NIM1K: variants seen among roughly 807,000 people sequenced by gnomAD.
The protein encoded by NIM1K is serine/threonine-protein kinase NIM1.
In NIM1K, 35 loss-of-function variants were observed where a neutral mutation model predicts 37.1. The observed-to-expected ratio is 0.94, with a 90% CI of 0.72 to 1.25. NIM1K has a LOEUF of 1.25. Ranked by LOEUF, NIM1K falls within the 50% of genes most tolerant of loss-of-function variation. The pLI is 0.00. For missense variants in NIM1K, 564 were observed against 548.0 expected (o/e 1.03, Z -0.29); for synonymous variants, 234 against 206.6 (o/e 1.13, Z -1.14).
intron 3 of NIM1K, among the ~76,000 whole-genome samples, chr5:43,278,385 A>G (rs1753386835): frequency 6.6e-6 from 1 of 152,156 alleles, no homozygotes; most frequent in African/African-American, 2.4e-5. Flanking sequence ...TTACTTCTTT[A>G]GATAAATCTG....
intron 2 of NIM1K, among the ~76,000 whole-genome samples, chr5:43,276,640 A>G (rs1185177768): frequency 6.6e-6 from 1 of 152,266 alleles, no homozygotes; most frequent in Non-Finnish European, 1.5e-5. Flanking sequence ...TCTTCTAGGC[A>G]TGAATGTTCA....
At chr5:43,261,801 G>T (rs1216223112) in intron 2 of NIM1K, among the ~76,000 whole-genome samples, 1 of 152,162 alleles carries the variant, frequency 6.6e-6, no homozygotes, top group Non-Finnish European at 1.5e-5. Context: ...GTGTAAGGAA[G>T]GGATCCAGTT....
intron 3 of NIM1K, among the ~76,000 whole-genome samples, chr5:43,277,808 G>A (rs977374981): frequency 1.1e-4 from 16 of 145,702 alleles, no homozygotes; most frequent in African/African-American, 4.1e-4. Flanking sequence ...GTGTGTGTGT[G>A]TGTGTGTGAG....
chr5:43,277,418 G>A, intron 3 of NIM1K, 93 bp downstream of exon 3: 1 of 1,380,898 alleles, frequency 7.2e-7, no homozygotes, highest in Non-Finnish European at 9.9e-7. Context: ...TGTCCCAGAG[G>A]GCTTTTGTCC....
At chr5:43,260,360 G>A (rs78796174) in intron 2 of NIM1K, among the ~76,000 whole-genome samples, 1,622 of 152,196 alleles carry the variant, frequency 0.011, 28 homozygotes, top group African/African-American at 0.035. Flanking sequence ...GTTGGCTTTC[G>A]GTTTGTGATA....
chr5:43,206,196 G>A (rs1752107966), intron 1 of NIM1K, among the ~76,000 whole-genome samples: 1 of 152,112 alleles, frequency 6.6e-6, no homozygotes, highest in Non-Finnish European at 1.5e-5. Flanking sequence ...GAAATACTGA[G>A]ATGGAGCAAT....
intron 1 of NIM1K, chr5:43,233,270 G>T (rs1039891686): frequency 2.0e-6 from 1 of 502,048 alleles, no homozygotes; most frequent in Non-Finnish European, 3.4e-6. Flanking sequence ...AAGAGAACCT[G>T]CCTATTATTT....
At chr5:43,274,312 C>G (rs1753305291) in intron 2 of NIM1K, among the ~76,000 whole-genome samples, 1 of 152,288 alleles carries the variant, frequency 6.6e-6, no homozygotes, top group East Asian at 1.9e-4. Flanking sequence ...TTCTTGAACA[C>G]TCACTGTGGA....
At chr5:43,250,074 G>A (rs1287737658) in intron 2 of NIM1K, among the ~76,000 whole-genome samples, 5 of 151,578 alleles carry the variant, frequency 3.3e-5, no homozygotes, top group African/African-American at 7.3e-5. Flanking sequence ...GGATGGTCTC[G>A]ATCTCCTGAC....
At chr5:43,253,213 TGTGTGTGTGTGTGTG>T (rs1752894345) in intron 2 of NIM1K, among the ~76,000 whole-genome samples, 4 of 60,348 alleles carry the variant, frequency 6.6e-5, no homozygotes, top group Non-Finnish European at 1.1e-4. Context: ...ATATAATATA[TGTGTGTGTGTGTGTG>T]TGTGTGTGTG....
At chr5:43,257,079 TTGAAAAGGAGGCTAGGGAGG>T (rs568344530) in intron 2 of NIM1K, among the ~76,000 whole-genome samples, 57 of 151,908 alleles carry the variant, frequency 3.8e-4, no homozygotes, top group Non-Finnish European at 5.4e-4. Flanking sequence ...GTATCCAGCA[TTGAAAAGGAGGCTAGGGAGG>T]TGAAAAGGAG....
Position 43,227,587 on chromosome 5 carries a change from C to A in NIM1K, c.-694-17495C>A, listed in dbSNP as rs948818770. Among the ~76,000 whole-genome samples, 6 of 152,122 alleles carry A rather than the reference C, an allele frequency of 3.9e-5. 1 individual carries two copies. The highest frequency in any genetic ancestry group is 2.6e-4 in the Admixed American group (4 of 15,266). On this transcript the variant is annotated intron_variant, in intron 1 of 3. Transcript: ENST00000326035. The stretch of plus-strand genomic sequence containing the variant: ...TTTCCTCTCCTGGGTTGTCCTCTAA[C>A]ATTTCTAGTAGAGAACCTTCAAATA...
At chr5:43,263,258 A>T (rs576766448) in intron 2 of NIM1K, among the ~76,000 whole-genome samples, 1 of 152,152 alleles carries the variant, frequency 6.6e-6, no homozygotes. Flanking sequence ...TTTGGTTGGT[A>T]GGCTATTAAT....
chr5:43,264,845 CT>C (rs1753097914), intron 2 of NIM1K, among the ~76,000 whole-genome samples: 1 of 152,094 alleles, frequency 6.6e-6, no homozygotes, highest in Non-Finnish European at 1.5e-5. Context: ...CATTTTTTGT[CT>C]GTAAAGGATT....
At chr5:43,198,233 CTTTCTTTCTTTCT>C (rs1751961777) in intron 1 of NIM1K, among the ~76,000 whole-genome samples, 1 of 113,624 alleles carries the variant, frequency 8.8e-6, no homozygotes, top group Admixed American at 9.7e-5. Context: ...TTCTTTCTTT[CTTTCTTTCTTTCT>C]TTTCTTTCTT....
chr5:43,257,654 AC>A (rs1210358503), intron 2 of NIM1K, among the ~76,000 whole-genome samples: 2 of 151,948 alleles, frequency 1.3e-5, no homozygotes, highest in East Asian at 3.9e-4. Flanking sequence ...CCCAGTTTTG[AC>A]CAACTCTTTA....
intron 2 of NIM1K, among the ~76,000 whole-genome samples, chr5:43,251,997 T>C (rs1350187925): frequency 1.3e-5 from 2 of 152,008 alleles, no homozygotes; most frequent in African/African-American, 2.4e-5. Flanking sequence ...AAGAAGTCTC[T>C]GGGAAGGGAG....
intron 2 of NIM1K, among the ~76,000 whole-genome samples, chr5:43,266,676 A>G (rs560599883): frequency 5.6e-4 from 85 of 152,294 alleles, no homozygotes; most frequent in Non-Finnish European, 1.1e-3. Flanking sequence ...GAAATGCAGA[A>G]ATCACCTGTC....
At chr5:43,224,351 G>C (rs1216678336) in intron 1 of NIM1K, among the ~76,000 whole-genome samples, 1 of 151,624 alleles carries the variant, frequency 6.6e-6, no homozygotes, top group Non-Finnish European at 1.5e-5. Context: ...TGAGGCAGGA[G>C]AATCGCTTGA....
Sources: gnomAD v4.1 joint callset for allele counts (sites outside exome capture counted in the v4.1 genomes callset) on GRCh38, gnomAD v4.1.1 for gene constraint, MANE v1.5 for transcripts, NCBI Gene and HGNC (gene_info 2026-07-23, HGNC 2026-07-21) for gene names.